Variants in PDXDC1 observed in about 807,000 individuals in gnomAD.
PDXDC1 encodes the protein pyridoxal-dependent decarboxylase domain-containing protein 1.
In PDXDC1, 42 loss-of-function variants were observed where a neutral mutation model predicts 100.1. The ratio of observed to expected loss-of-function variants is 0.42; its 90% CI spans 0.33 to 0.54. The LOEUF is 0.54. Ranked by LOEUF, PDXDC1 falls within the 20% of genes least tolerant of loss-of-function variation. The probability of loss-of-function intolerance (pLI) is 0.10; values close to 1 mark genes in which losing one functional copy is unlikely to be tolerated. For synonymous variants in PDXDC1, 260 were observed against 371.7 expected (o/e 0.70, Z 3.46); for missense variants, 636 against 979.2 (o/e 0.65, Z 4.68).
intron 16 of PDXDC1, chr16:15,061,783 GCCCACA>G: frequency 6.2e-7 from 1 of 1,614,060 alleles, no homozygotes; most frequent in Non-Finnish European, 8.5e-7. Context: ...CGGGTGGGGA[GCCCACA>G]CTACTTGAAG....
intron 16 of PDXDC1, chr16:15,072,859 C>T (rs1180777793): frequency 7.8e-7 from 1 of 1,284,782 alleles, no homozygotes; most frequent in Non-Finnish European, 1.1e-6. Flanking sequence ...GAATTATTTA[C>T]TTCATGGTCT....
Position 15,122,309 on chromosome 16 carries a change from C to G in PDXDC1, c.1400-16570C>G, listed in dbSNP as rs1183534499. Among the ~76,000 whole-genome samples the G allele has an allele frequency of 3.7e-3, 556 of 148,324 alleles. 2 individuals are homozygous for G. The highest frequency in any genetic ancestry group is 6.2e-3 in the Non-Finnish European group (416 of 67,032). On this transcript the variant is annotated intron_variant, in intron 16 of 16. Transcript: ENST00000535621. ...CACTGCAACGTCCAGCTCCTGGGCC[C>G]AAGCGATCCTCCCACCTCAGCCTCT... is the stretch of plus-strand genomic sequence containing the variant.
chr16:14,997,227 G>A (rs1343700385), intron 1 of PDXDC1, among the ~76,000 whole-genome samples: 1 of 152,344 alleles, frequency 6.6e-6, no homozygotes, highest in African/African-American at 2.4e-5. Context: ...TGTACACATG[G>A]CACTAAAATT....
intron 16 of PDXDC1, among the ~76,000 whole-genome samples, chr16:15,079,172 A>T (rs56181684): frequency 2.6e-5 from 4 of 151,416 alleles, no homozygotes; most frequent in Admixed American, 2.0e-4. Context: ...CAGGGAGCAA[A>T]GTTGAAGGAT....
chr16:15,052,476 T>C (rs1395850188), intron 16 of PDXDC1, among the ~76,000 whole-genome samples: 1 of 152,150 alleles, frequency 6.6e-6, no homozygotes, highest in Admixed American at 6.5e-5. Flanking sequence ...GTTTATCAAT[T>C]CTTCCTTTAT....
intron 1 of PDXDC1, among the ~76,000 whole-genome samples, chr16:14,997,147 T>C (rs1433742917): frequency 1.3e-5 from 2 of 152,204 alleles, no homozygotes; most frequent in Non-Finnish European, 1.5e-5. Context: ...CCAGAATGAA[T>C]GGTGAAAAAA....
intron 16 of PDXDC1, among the ~76,000 whole-genome samples, chr16:15,066,570 T>C (rs1346394925): frequency 2.0e-5 from 3 of 150,970 alleles, no homozygotes; most frequent in East Asian, 2.0e-4. Context: ...GAGGTGGTGG[T>C]TGTAGTGAGC....
At chr16:15,133,292 G>A (rs1282655060) in intron 16 of PDXDC1, 50 of 1,578,164 alleles carry the variant, frequency 3.2e-5, no homozygotes, top group Non-Finnish European at 4.1e-5. Context: ...CAGGGCCAGC[G>A]AGTACTCGAT....
chr16:15,029,896 T>C lies in PDXDC1; in HGVS notation c.1294-55T>C. The stretch of plus-strand genomic sequence containing the variant: ...GGGCCGAGGGGATGAGGGTGGGTCC[T>C]GAAGACGTCTGAGTCCCTTGTTACA... On this transcript the variant is annotated intron_variant, in intron 15 of 22. Transcript: ENST00000396410. 14 of 1,498,132 alleles carry C rather than the reference T, an allele frequency of 9.3e-6. 1 individual carries two copies. Among genetic ancestry groups the C allele is most frequent in the South Asian group, 6.1e-5 (5 of 81,778 alleles). The allele number at this position is 1,498,132 out of a possible 1,614,324, so 92.8% of individuals were successfully genotyped here.
Position 15,037,903 on chromosome 16 carries a change from T to C in PDXDC1, c.*1628T>C. 1.7e-6 allele frequency: 1 copy of C among 597,130 alleles called. No individual in the cohort carries two copies. Among genetic ancestry groups the C allele is most frequent in the Non-Finnish European group, 3.0e-6 (1 of 336,838 alleles). The allele number at this position is 597,130 out of a possible 1,614,324, so 37.0% of individuals were successfully genotyped here. A position where few individuals can be genotyped will look rare whatever the true frequency, so the allele number is the denominator to read the frequency against. On this transcript the variant is annotated 3_prime_UTR_variant, in exon 23 of 23. Coordinates refer to ENST00000396410, the MANE Select transcript of PDXDC1 (RefSeq NM_015027.4). ...TTTGAAAGTCATTTGATGAAAGTCATTTGAAAGACACTGAGGAGGGAAGGA... is the reference window on the plus strand; with the variant it reads ...TTTGAAAGTCATTTGATGAAAGTCACTTGAAAGACACTGAGGAGGGAAGGA...
chr16:14,979,005 T>G (rs948695000), intron 1 of PDXDC1, among the ~76,000 whole-genome samples: 1 of 152,294 alleles, frequency 6.6e-6, no homozygotes, highest in African/African-American at 2.4e-5. Flanking sequence ...TGTCTCAAGA[T>G]GGGGGCAGTT....
At position 15,031,781 on chromosome 16, in the gene PDXDC1, A is replaced by G; in HGVS notation, c.1446A>G (p.Ile482Met). Residue 482 changes from isoleucine to methionine, a missense_variant, in exon 17 of 23, where the codon ATA becomes ATG. Ile to Met is a conservative substitution (Grantham distance 10, BLOSUM62 1). Transcript: ENST00000396410. ...GEDVDQLVACIESKLPVLCCT... is the reference protein window; with the variant it reads ...GEDVDQLVACMESKLPVLCCT... ...ATGTGGATCAGCTCGTAGCCTGCAT[A>G]GAAAGCAAACTGCCAGTGCTGTGCT... The G allele has an allele frequency of 1.2e-6, 2 of 1,613,956 alleles. No individual in the cohort carries two copies. The highest frequency in any genetic ancestry group is 1.7e-6 in the Non-Finnish European group (2 of 1,179,906).
At chr16:15,066,965 AC>A (rs2045007065) in intron 16 of PDXDC1, among the ~76,000 whole-genome samples, 2 of 151,276 alleles carry the variant, frequency 1.3e-5, no homozygotes, top group Non-Finnish European at 1.5e-5. Context: ...CTCTGTCCCC[AC>A]CCCGAGAACA....
chr16:15,034,257 A>G (rs567017547), intron 19 of PDXDC1, 29 bp from the exon 20 acceptor site: 1 of 1,605,398 alleles, frequency 6.2e-7, no homozygotes, highest in East Asian at 2.2e-5. Flanking sequence ...AACCTTAAAC[A>G]AGTAATGTCT....
At chr16:15,060,085 G>A (rs1406004467) in intron 16 of PDXDC1, 1 of 315,244 alleles carries the variant, frequency 3.2e-6, no homozygotes, top group Non-Finnish European at 6.3e-6. Flanking sequence ...GATTAACCAT[G>A]TCATTGTTTC....
intron 16 of PDXDC1, chr16:15,133,747 TCA>T: frequency 1.3e-6 from 2 of 1,596,458 alleles, no homozygotes; most frequent in South Asian, 2.2e-5. Context: ...CTCCGTGACG[TCA>T]CAGTCGGGGG....
chr16:15,146,952 G>T, the PDXDC1 span, among the ~76,000 whole-genome samples: 1 of 152,126 alleles, frequency 6.6e-6, no homozygotes, highest in Non-Finnish European at 1.5e-5. Flanking sequence ...CACACCAGAA[G>T]TGGAGGCGCT....
At chr16:15,094,239 C>G in intron 16 of PDXDC1, 1 of 1,572,186 alleles carries the variant, frequency 6.4e-7, no homozygotes, top group Non-Finnish European at 8.6e-7. Context: ...GCCATTGGGC[C>G]GAACTAACGC....
intron 16 of PDXDC1, among the ~76,000 whole-genome samples, chr16:15,075,920 C>T (rs1351854033): frequency 6.6e-6 from 1 of 152,120 alleles, no homozygotes; most frequent in Non-Finnish European, 1.5e-5. Context: ...GAGCCAGGAC[C>T]ACCCTTGCAC....
Sources: gnomAD v4.1 joint callset for allele counts (sites outside exome capture counted in the v4.1 genomes callset) on GRCh38, gnomAD v4.1.1 for gene constraint, MANE v1.5 for transcripts, NCBI Gene and HGNC (gene_info 2026-07-23, HGNC 2026-07-21) for gene names.